The following RPH3A variants were observed in gnomAD, a reference collection of about 807,000 sequenced individuals.
The protein encoded by RPH3A is rabphilin-3A.
Under a neutral mutation model 102.2 loss-of-function variants are expected in RPH3A, and 48 were observed. That is an observed-to-expected ratio of 0.47 (90% CI 0.37 to 0.60). The LOEUF (loss-of-function observed/expected upper bound fraction) is 0.60, where lower values mean the gene tolerates loss of function less well. RPH3A is among the 20% of genes least tolerant of loss of function. The pLI is 0.00. For missense variants in RPH3A, 781 were observed against 910.1 expected, an observed-to-expected ratio of 0.86 and a Z score of 1.83; for synonymous variants, 310 against 324.3, an observed-to-expected ratio of 0.96 and a Z score of 0.47.
chr12:112,692,632 A>G (rs1407503285), intron 1 of RPH3A, among the ~76,000 whole-genome samples: 1 of 152,106 alleles, frequency 6.6e-6, no homozygotes, highest in Non-Finnish European at 1.5e-5. Context: ...TTTCAAAGCC[A>G]CTTTCTATAC....
At chr12:112,744,730 G>A (rs74888306) in intron 1 of RPH3A, among the ~76,000 whole-genome samples, 22,820 of 152,010 alleles carry the variant, frequency 0.15, 1,837 homozygotes, top group Admixed American at 0.21. Flanking sequence ...TGACAAGGTC[G>A]CACAGTCAGG....
chr12:112,793,959 C>T (rs2136090146), intron 2 of RPH3A, among the ~76,000 whole-genome samples: 3 of 152,300 alleles, frequency 2.0e-5, no homozygotes, highest in South Asian at 4.1e-4. Flanking sequence ...ATATTTTTAA[C>T]AACTGGTTTA....
intron 1 of RPH3A, among the ~76,000 whole-genome samples, chr12:112,745,690 T>A (rs947231748): frequency 5.9e-5 from 9 of 152,192 alleles, no homozygotes; most frequent in African/African-American, 1.9e-4. Context: ...CTTGGAAATC[T>A]TCAGTTTTAG....
chr12:112,634,540 A>G (rs2039834237), intron 1 of RPH3A, among the ~76,000 whole-genome samples: 1 of 139,276 alleles, frequency 7.2e-6, no homozygotes. Context: ...CAGGCAACAG[A>G]GCAAGACTCA....
In RPH3A at chr12:112,887,785, T is replaced by A. The variant is rs370778436; in HGVS notation, c.1437-12T>A. ...TCCTGTTTCTCTCTCTACCCCCTTG[T>A]GTTGGTGGCAGGATCTCCGTCTGTG... On this transcript the variant is annotated splice_polypyrimidine_tract_variant and intron_variant, in intron 16 of 21. Coordinates refer to ENST00000389385, the MANE Select transcript of RPH3A (RefSeq NM_001143854.2). 6.2e-7 allele frequency: 1 copy of A among 1,612,948 alleles called. No homozygotes were observed. Among genetic ancestry groups the A allele is most frequent in the South Asian group, 1.1e-5 (1 of 90,978 alleles).
At chr12:112,883,514 G>A in intron 16 of RPH3A, 112 bp downstream of exon 16, 1 of 699,218 alleles carries the variant, frequency 1.4e-6, no homozygotes, top group Non-Finnish European at 2.5e-6. Flanking sequence ...TCTCTACATA[G>A]TTTATTTTTT....
intron 1 of RPH3A, among the ~76,000 whole-genome samples, chr12:112,712,105 T>G (rs1166301320): frequency 6.6e-6 from 1 of 152,174 alleles, no homozygotes; most frequent in Non-Finnish European, 1.5e-5. Context: ...GTACTGGGAT[T>G]TCAGGGGTGA....
chr12:112,712,814 T>A (rs1202020157), intron 1 of RPH3A, among the ~76,000 whole-genome samples: 1 of 152,028 alleles, frequency 6.6e-6, no homozygotes, highest in African/African-American at 2.4e-5. Context: ...TGGGCTCATG[T>A]GATCCTCCCA....
chr12:112,809,652 G>A (rs1434442884), intron 2 of RPH3A, among the ~76,000 whole-genome samples: 1 of 152,160 alleles, frequency 6.6e-6, no homozygotes, highest in Non-Finnish European at 1.5e-5. Flanking sequence ...CCTGGGAAGA[G>A]AGTACAATTA....
At chr12:112,652,200 G>A (rs1449910503) in intron 1 of RPH3A, among the ~76,000 whole-genome samples, 4 of 152,120 alleles carry the variant, frequency 2.6e-5, no homozygotes, top group African/African-American at 9.7e-5. Flanking sequence ...TAGAGCCAGG[G>A]TGTGGTGGCT....
intron 1 of RPH3A, among the ~76,000 whole-genome samples, chr12:112,627,680 G>A (rs1170315335): frequency 1.3e-5 from 2 of 152,050 alleles, no homozygotes; most frequent in Non-Finnish European, 2.9e-5. Flanking sequence ...GCAGTGGTAG[G>A]TGCTATGGAG....
chr12:112,724,698 G>A (rs1263323155), intron 1 of RPH3A, among the ~76,000 whole-genome samples: 1 of 152,234 alleles, frequency 6.6e-6, no homozygotes, highest in East Asian at 1.9e-4. Flanking sequence ...GCTGAGCACG[G>A]TGGCTCACGC....
At chr12:112,753,160 A>C (rs1158449101) in intron 1 of RPH3A, among the ~76,000 whole-genome samples, 3 of 152,066 alleles carry the variant, frequency 2.0e-5, no homozygotes, top group African/African-American at 7.2e-5. Flanking sequence ...CAGCTAGACA[A>C]ACAAACACGA....
chr12:112,835,719 G>A (rs1382645489), intron 3 of RPH3A, among the ~76,000 whole-genome samples: 1 of 152,092 alleles, frequency 6.6e-6, no homozygotes, highest in Non-Finnish European at 1.5e-5. Context: ...ATTAACTGCT[G>A]GCTAGCTAGA....
intron 1 of RPH3A, among the ~76,000 whole-genome samples, chr12:112,707,728 G>C (rs185355643): frequency 1.3e-5 from 2 of 152,212 alleles, no homozygotes; most frequent in Non-Finnish European, 2.9e-5. Context: ...AGCAGGGAGA[G>C]ATTTTATATT....
chr12:112,664,758 A>G (rs1418591889), intron 1 of RPH3A, among the ~76,000 whole-genome samples: 2 of 152,040 alleles, frequency 1.3e-5, no homozygotes, highest in Admixed American at 1.3e-4. Context: ...CCTCTGCGCA[A>G]CCTGATTTCA....
At chr12:112,656,804 T>C (rs952824936) in intron 1 of RPH3A, among the ~76,000 whole-genome samples, 5 of 151,966 alleles carry the variant, frequency 3.3e-5, no homozygotes, top group African/African-American at 1.2e-4. Context: ...TGTATATATA[T>C]ATACATATAT....
intron 12 of RPH3A, among the ~76,000 whole-genome samples, chr12:112,876,382 A>G (rs1179641857): frequency 6.6e-6 from 1 of 152,194 alleles, no homozygotes; most frequent in African/African-American, 2.4e-5. Flanking sequence ...AATTTGCCGC[A>G]GGTCACATGG....
chr12:112,895,921 G>C (rs2043172245), intron 21 of RPH3A, 48 bp downstream of exon 21: 1 of 1,297,278 alleles, frequency 7.7e-7, no homozygotes, highest in Non-Finnish European at 1.1e-6. Context: ...GTCCTCCCCA[G>C]AACAGGAGAG....
Sources: allele counts gnomAD v4.1 joint callset (sites outside exome capture counted in the v4.1 genomes callset), GRCh38; gene constraint gnomAD v4.1.1; transcripts MANE v1.5; gene names NCBI Gene and HGNC (gene_info 2026-07-23, HGNC 2026-07-21).